NTRK1: variants seen among roughly 807,000 people sequenced by gnomAD.
NTRK1 encodes the protein neurotrophic receptor tyrosine kinase 1.
A neutral mutation model predicts 86.8 loss-of-function variants in NTRK1; 62 were observed. That is an observed-to-expected ratio of 0.71 (90% CI 0.58 to 0.88). The LOEUF is 0.88. Among genes scored for constraint, NTRK1 ranks in the 40% least tolerant of loss-of-function variants. The probability of loss-of-function intolerance (pLI) is 0.00; values close to 1 mark genes in which losing one functional copy is unlikely to be tolerated. For missense variants in NTRK1, 967 were observed against 1,078.4 expected (o/e 0.90, Z 1.45); for synonymous variants, 469 against 456.6 (o/e 1.03, Z -0.35).
chr1:156,869,141 G>A (rs1308967951), intron 6 of NTRK1, among the ~76,000 whole-genome samples: 1 of 150,830 alleles, frequency 6.6e-6, no homozygotes, highest in Non-Finnish European at 1.5e-5. Flanking sequence ...GCGCGATCTT[G>A]ACTCACCGCA....
At chr1:156,852,689 T>C (rs933983968) in intron 2 of NTRK1, among the ~76,000 whole-genome samples, 1 of 152,102 alleles carries the variant, frequency 6.6e-6, no homozygotes, top group Admixed American at 6.5e-5. Context: ...CAAGCAGCAG[T>C]GGGAGGGTTT....
At chr1:156,832,256 C>T (rs760970798) in intron 1 of NTRK1, among the ~76,000 whole-genome samples, 1 of 152,160 alleles carries the variant, frequency 6.6e-6, no homozygotes, top group Non-Finnish European at 1.5e-5. Flanking sequence ...ATTCATCAAG[C>T]ATCTATTTGA....
chr1:156,817,605 T>C (rs1480365845), intron 1 of NTRK1, among the ~76,000 whole-genome samples: 1 of 151,342 alleles, frequency 6.6e-6, no homozygotes, highest in Non-Finnish European at 1.5e-5. Context: ...GTATCAACAC[T>C]ATCAGCAGTT....
In NTRK1 at chr1:156,854,377, AG is replaced by A; in HGVS notation, c.51-9973del. The A allele has an allele frequency of 7.1e-7, 1 of 1,416,500 alleles. No homozygotes were observed. 87.7% of individuals were successfully genotyped at this position (1,416,500 alleles called of 1,614,324 possible). On this transcript the variant is annotated intron_variant, in intron 2 of 16. Coordinates refer to the NTRK1 transcript ENST00000392302. This position sits in a 1 kb window ranked among gnomAD's most constrained non-coding sequence, Gnocchi z 4.2. ...CCCCATCCAGCCCTGGCAGCTTTGG[AG>A]GGGAGCCACACTGGCAGTAGGACAA...
At chr1:156,864,835 GA>G (rs1419576722) in intron 3 of NTRK1, 36 bp downstream of exon 3, 2 of 1,596,904 alleles carry the variant, frequency 1.3e-6, no homozygotes, top group African/African-American at 2.7e-5. Context: ...GGGAGTTGGG[GA>G]GGACACCCAG....
At chr1:156,827,979 C>A (rs548600093) in intron 1 of NTRK1, among the ~76,000 whole-genome samples, 1 of 151,688 alleles carries the variant, frequency 6.6e-6, no homozygotes, top group East Asian at 2.0e-4. Context: ...ATTAATATAT[C>A]CTTTTTTTTA....
chr1:156,839,788 T>C (rs1654707339), intron 1 of NTRK1, among the ~76,000 whole-genome samples: 1 of 152,182 alleles, frequency 6.6e-6, no homozygotes, highest in African/African-American at 2.4e-5. Flanking sequence ...TGTCCGGGAC[T>C]GGTTGGTTCT....
intron 11 of NTRK1, 120 bp downstream of exon 11, chr1:156,875,128 G>A (rs1647821891): frequency 9.0e-6 from 7 of 779,288 alleles, no homozygotes; most frequent in South Asian, 5.8e-5. Flanking sequence ...GCGTGTGAGT[G>A]TGTTTGGGGT....
Position 156,873,933 on chromosome 1 carries a change from A to T in NTRK1, c.1151A>T (p.Glu384Val), listed in dbSNP as rs1647731197. ...GCTGCCTTCATGGACAACCCTTTCG[A>T]GTTCAACCCCGAGGACCCCATCCCT... Reference protein sequence around the residue: ...IMAAFMDNPFEFNPEDPIPVS... With the variant: ...IMAAFMDNPFVFNPEDPIPVS... Residue 384 changes from glutamate to valine, a missense_variant, in exon 8 of 17, where the codon GAG (glutamate) becomes GTG (valine). Coordinates refer to ENST00000524377, the MANE Select transcript of NTRK1 (RefSeq NM_002529.4). 2 of 1,556,862 alleles carry T rather than the reference A, an allele frequency of 1.3e-6. No homozygotes were observed.
chr1:156,821,167 A>T (rs77053355), intron 1 of NTRK1, among the ~76,000 whole-genome samples: 7,282 of 152,242 alleles, frequency 0.048, 243 homozygotes, highest in Non-Finnish European at 0.062. Flanking sequence ...CAGCAGCATT[A>T]CTGACTTGTG....
chr1:156,856,951 C>G (rs1331301780), upstream of NTRK1, among the ~76,000 whole-genome samples: 2 of 152,198 alleles, frequency 1.3e-5, no homozygotes, highest in Non-Finnish European at 2.9e-5. Flanking sequence ...ACATTCAGCT[C>G]CTGCTAACGT....
Position 156,867,809 on chromosome 1 carries a change from G to A in NTRK1, c.429-295G>A, listed in dbSNP as rs184251820. ...CTGCCTCAGCCTCCTGAGTAGGTGG[G>A]ACTACAGGTGCCCGCCACCATGCCT... On this transcript the variant is annotated intron_variant, in intron 4 of 16. Transcript: ENST00000524377. Among the ~76,000 whole-genome samples the A allele has an allele frequency of 1.4e-4, 22 of 152,154 alleles. No individual in the cohort carries two copies. In the East Asian group the frequency reaches 4.1e-3, roughly 28 times the overall value.
At chr1:156,849,504 A>AGGGGGGGGAG in intron 2 of NTRK1, 2 of 243,706 alleles carry the variant, frequency 8.2e-6, no homozygotes, top group Admixed American at 5.1e-5. Flanking sequence ...AGGTGGGGGC[A>AGGGGGGGGAG]GGGGGTGGGA....
chr1:156,879,053 G>A (rs2102923683), intron 14 of NTRK1, 69 bp from the exon 15 acceptor site: 1 of 1,588,024 alleles, frequency 6.3e-7, no homozygotes, highest in South Asian at 1.1e-5. Flanking sequence ...GGCTGCTGGG[G>A]ATCGCCTTCC....
At chr1:156,851,163 C>T in intron 2 of NTRK1, 1 of 969,956 alleles carries the variant, frequency 1.0e-6, no homozygotes, top group Non-Finnish European at 1.7e-6. Context: ...GAGAAGTTAA[C>T]CTACTTAGAG....
At chr1:156,880,371 GCCCAGTTGGC>G (rs1416018727) in intron 16 of NTRK1, 4 of 606,818 alleles carry the variant, frequency 6.6e-6, no homozygotes, top group Non-Finnish European at 1.2e-5. Context: ...CTAAGCCCAG[GCCCAGTTGGC>G]CCCTGGGGGA....
chr1:156,863,564 T>A (rs531092034), intron 1 of NTRK1, among the ~76,000 whole-genome samples: 1 of 152,260 alleles, frequency 6.6e-6, no homozygotes, highest in African/African-American at 2.4e-5. Context: ...GACTCTTGCT[T>A]GATCTGCTGA....
At chr1:156,855,803 C>T (rs537721678) in intron 2 of NTRK1, among the ~76,000 whole-genome samples, 33 of 151,994 alleles carry the variant, frequency 2.2e-4, no homozygotes, top group Middle Eastern at 3.4e-3. Flanking sequence ...CCAGCCTGGG[C>T]GACAGAGTGA....
At chr1:156,860,818 C>T, upstream of NTRK1, 1 of 1,341,258 alleles carries the variant, frequency 7.5e-7, no homozygotes, top group Non-Finnish European at 9.5e-7. Context: ...TGGCTCCGCC[C>T]TTTCCTGGCG....
Sources: allele counts gnomAD v4.1 joint callset (sites outside exome capture counted in the v4.1 genomes callset), GRCh38; gene constraint gnomAD v4.1.1; non-coding constraint Gnocchi (gnomAD v3.1); transcripts MANE v1.5; gene names NCBI Gene and HGNC (gene_info 2026-07-23, HGNC 2026-07-21).